The following PYGM variants were observed in gnomAD, a reference collection of about 807,000 sequenced individuals.
PYGM encodes the protein glycogen phosphorylase, muscle form.
Under a neutral mutation model 99.3 loss-of-function variants are expected in PYGM, and 81 were observed. The observed-to-expected ratio is 0.82, with a 90% CI of 0.68 to 0.98. PYGM has a LOEUF of 0.98. Among genes scored for constraint, PYGM ranks in the 50% least tolerant of loss-of-function variants. The pLI, the probability that PYGM is intolerant of heterozygous loss-of-function variation, is 0.00. For synonymous variants in PYGM, 436 were observed against 451.5 expected, an observed-to-expected ratio of 0.97 and a Z score of 0.44; for missense variants, 1,030 against 1,158.1, an observed-to-expected ratio of 0.89 and a Z score of 1.61.
Position 64,758,321 on chromosome 11 carries a change from C to T in PYGM, c.453G>A (p.Leu151=). Residue 151 remains leucine (L), a synonymous_variant, in exon 4 of 20, where the codon CTG becomes CTA. Transcript: ENST00000164139. Reference sequence around the variant, plus strand: ...TCCCGTAGCCATAGGCGGCCAGGCCCAGTGTTGCCATGGAGTCAAGAAAGC... The same window carrying T: ...TCCCGTAGCCATAGGCGGCCAGGCCTAGTGTTGCCATGGAGTCAAGAAAGC... ...AACFLDSMAT[L]GLAAYGYGIR... 4 of 1,614,080 alleles carry T rather than the reference C, an allele frequency of 2.5e-6. No homozygotes were observed. The highest frequency in any genetic ancestry group is 3.4e-6 in the Non-Finnish European group (4 of 1,180,012).
Position 64,751,983 on chromosome 11 carries a change from C to T in PYGM, c.1709G>A (p.Arg570Gln), listed in dbSNP as rs143550601. ...PNSLFDIQVK[R>Q]IHEYKRQLLN... ...GAGCTGTCGTTTATATTCGTGAATC[C>T]GCTTCACCTGGATGTCGAAGAGTGA... Residue 570 changes from arginine to glutamine, a missense_variant, in exon 14 of 20, where the codon CGG becomes CAG. Physicochemically the swap from Arg to Gln is conservative, Grantham distance 43. Coordinates refer to ENST00000164139, the MANE Select transcript of PYGM (RefSeq NM_005609.4). 5.6e-6 allele frequency: 9 copies of T among 1,614,010 alleles called. No homozygotes were observed. Among genetic ancestry groups the T allele is most frequent in the East Asian group, 2.2e-5 (1 of 44,902 alleles).
intron 5 of PYGM, among the ~76,000 whole-genome samples, chr11:64,756,490 AC>A (rs1161872519): frequency 6.6e-6 from 1 of 152,156 alleles, no homozygotes; most frequent in African/African-American, 2.4e-5. Context: ...TCACTCTGTT[AC>A]CCAGGCTGGA....
intron 17 of PYGM, among the ~76,000 whole-genome samples, chr11:64,749,320 C>G (rs1456225935): frequency 6.6e-6 from 1 of 151,712 alleles, no homozygotes; most frequent in Admixed American, 6.6e-5. Context: ...GCACTGCGGC[C>G]TGGGTGACAG....
At chr11:64,757,663 C>T in intron 5 of PYGM, 116 bp downstream of exon 5, 1 of 1,468,644 alleles carries the variant, frequency 6.8e-7, no homozygotes. Context: ...GTCACTTAAC[C>T]TCTCTGAGCC....
In PYGM at chr11:64,750,531, G is replaced by A; in HGVS notation, c.2022C>T (p.Ala674=). The change falls in exon 17 of 20, where the codon GCC becomes GCT. Residue 674 remains alanine (A), a synonymous_variant. Coordinates refer to ENST00000164139, the MANE Select transcript of PYGM (RefSeq NM_005609.4). ...SEQISTAGTE[A]SGTGNMKFML... is the part of the protein sequence containing the mutation. ...TGAACTTCATGTTGCCGGTGCCTGAGGCTTCAGTGCCCGCAGTGGAGATCT... is the reference window on the plus strand; with the variant it reads ...TGAACTTCATGTTGCCGGTGCCTGAAGCTTCAGTGCCCGCAGTGGAGATCT... The A allele has an allele frequency of 1.2e-6, 2 of 1,614,218 alleles. No individual in the cohort carries two copies. The highest frequency in any genetic ancestry group is 1.7e-6 in the Non-Finnish European group (2 of 1,180,044).
At chr11:64,760,076 T>A, upstream of PYGM, 1 of 1,016,868 alleles carries the variant, frequency 9.8e-7, no homozygotes, top group Non-Finnish European at 1.4e-6. Context: ...AGGGAGCTAT[T>A]TTGAGGGCAA....
rs1038090665 is a variant in PYGM at position 64,758,718 on chromosome 11, C to T, written c.244-14G>A. 5.7e-6 allele frequency: 9 copies of T among 1,580,750 alleles called. No individual in the cohort carries two copies. Among genetic ancestry groups the T allele is most frequent in the Admixed American group, 3.3e-5 (2 of 59,934 alleles). On this transcript the variant is annotated splice_polypyrimidine_tract_variant and intron_variant, in intron 1 of 19. Transcript: ENST00000164139. ...GTAGTAGATCCTCTGCCCAGAGAGA[C>T]GGATGGGCAGGGAATGGGGTCAGGG... is the stretch of plus-strand genomic sequence containing the variant.
In PYGM at chr11:64,746,596, G is replaced by A; in HGVS notation, c.*63C>T. ...CAGTACCCCACCCTCTGCATGAGGTGCTGGGGCTGGCCCAAGAGAGTGTGA... is the reference window on the plus strand; with the variant it reads ...CAGTACCCCACCCTCTGCATGAGGTACTGGGGCTGGCCCAAGAGAGTGTGA... On this transcript the variant is annotated 3_prime_UTR_variant, in exon 20 of 20. Transcript: ENST00000164139. The A allele has an allele frequency of 6.2e-7, 1 of 1,604,770 alleles. No homozygotes were observed. The highest frequency in any genetic ancestry group is 8.5e-7 in the Non-Finnish European group (1 of 1,174,022).
intron 13 of PYGM, 94 bp from the exon 14 acceptor site, chr11:64,752,165 C>G: frequency 6.4e-7 from 1 of 1,562,082 alleles, no homozygotes; most frequent in Non-Finnish European, 8.8e-7. Context: ...GGATGGCTAC[C>G]AGGAGGCTCA....
At chr11:64,747,171 C>A (rs1415897260) in intron 18 of PYGM, 53 bp downstream of exon 18, 2 of 1,607,208 alleles carry the variant, frequency 1.2e-6, no homozygotes, top group African/African-American at 2.7e-5. Context: ...CACACCTGAG[C>A]CTCGATCTGC....
At chr11:64,752,254 T>C in intron 13 of PYGM, 149 bp downstream of exon 13, 1 of 1,266,444 alleles carries the variant, frequency 7.9e-7, no homozygotes, top group Non-Finnish European at 1.1e-6. Flanking sequence ...GGTCAGATGA[T>C]GCCTTCCCAC....
rs2058372564 is a variant in PYGM at position 64,753,635 on chromosome 11, C to T, written c.1287G>A (p.Met429Ile). The change falls in exon 11 of 20, where the codon ATG becomes ATA. Residue 429 changes from methionine (M) to isoleucine (I), a missense_variant. Transcript: ENST00000164139. ...FPGDVDRLRRMSLVEEGAVKR... is the reference protein window; with the variant it reads ...FPGDVDRLRRISLVEEGAVKR... ...TCACTGCGCCCTCCTCCACCAGCGA[C>T]ATGCGCCGCAGCCGGTCTACGTCCC... is the stretch of plus-strand genomic sequence containing the variant. 1 of 1,609,008 alleles carries T rather than the reference C, an allele frequency of 6.2e-7. No individual in the cohort carries two copies. The highest frequency in any genetic ancestry group is 8.5e-7 in the Non-Finnish European group (1 of 1,179,416).
rs1364526306 is a variant in PYGM, at chr11:64,754,618, AG to A, written c.999+74del. 9.6e-6 allele frequency: 15 copies of A among 1,563,482 alleles called. No homozygotes were observed. The African/African-American group carries it at 2.0e-4, about 21-fold the overall frequency. On this transcript the variant is annotated intron_variant, in intron 8 of 19. Coordinates refer to ENST00000164139, the MANE Select transcript of PYGM (RefSeq NM_005609.4). This position sits in a 1 kb window ranked among gnomAD's most constrained non-coding sequence, Gnocchi z 5.5. Reference sequence around the variant, plus strand: ...CACTCCCTTATCTATTACATGGGGCAGGCAGGCCGAGGCTGGAGGGAGAGGC... The same window carrying A: ...CACTCCCTTATCTATTACATGGGGCAGCAGGCCGAGGCTGGAGGGAGAGGC...
chr11:64,750,466 G>GC lies in PYGM; in HGVS notation c.2086dup (p.Ala696GlyfsTer26). 6.2e-7 allele frequency: 1 copy of GC among 1,614,130 alleles called. No homozygotes were observed. The highest frequency in any genetic ancestry group is 8.5e-7 in the Non-Finnish European group (1 of 1,180,038). On this transcript the variant is annotated frameshift_variant, in exon 17 of 20. Coordinates refer to ENST00000164139, the MANE Select transcript of PYGM (RefSeq NM_005609.4). LOFTEE classifies it high-confidence loss of function. ...CGCCTCTTCTGCCATCTCCACATTG[G>GC]CCCCGTCCATGGTGCCAATGGTCAG...
chr11:64,749,874 G>C (rs2058341913), intron 17 of PYGM, among the ~76,000 whole-genome samples: 1 of 147,680 alleles, frequency 6.8e-6, no homozygotes, highest in South Asian at 2.2e-4. Flanking sequence ...CTCACTGCAA[G>C]CTCCGCCTCC....
Position 64,755,596 on chromosome 11 carries a change from G to A in PYGM, c.661-38C>T, listed in dbSNP as rs764520737. 2 of 1,521,970 alleles carry A rather than the reference G, an allele frequency of 1.3e-6. No individual in the cohort carries two copies. Among genetic ancestry groups the A allele is most frequent in the Admixed American group, 1.7e-5 (1 of 59,134 alleles). The allele number at this position is 1,521,970 out of a possible 1,614,324, so 94.3% of individuals were successfully genotyped here. ...ATCCTGTCAGGAGCTGGCCAGCCCTGGCAATTGCCTCCCTCCCCTCAGGGC... is the reference window on the plus strand; with the variant it reads ...ATCCTGTCAGGAGCTGGCCAGCCCTAGCAATTGCCTCCCTCCCCTCAGGGC... On this transcript the variant is annotated intron_variant, in intron 5 of 19. Coordinates refer to ENST00000164139, the MANE Select transcript of PYGM (RefSeq NM_005609.4). This position sits in a 1 kb window ranked among gnomAD's most constrained non-coding sequence, Gnocchi z 4.1.
At position 64,754,193 on chromosome 11, in the gene PYGM, C is replaced by G. The variant is rs1244798442; in HGVS notation, c.1092+60G>C. On this transcript the variant is annotated intron_variant, in intron 9 of 19. Transcript: ENST00000164139. The surrounding 1 kb of genome is among the most constrained non-coding windows in gnomAD (Gnocchi z 5.5). Reference sequence around the variant, plus strand: ...ATTCATATCCTCCCACGCTCCCAAACTGGGAAGGGAACCCCGAGGCAGAGA... The same window carrying G: ...ATTCATATCCTCCCACGCTCCCAAAGTGGGAAGGGAACCCCGAGGCAGAGA... The G allele has an allele frequency of 1.3e-6, 2 of 1,585,590 alleles. No homozygotes were observed. Among genetic ancestry groups the G allele is most frequent in the Non-Finnish European group, 1.7e-6 (2 of 1,154,846 alleles).
At chr11:64,756,800 T>C (rs1453694541) in intron 5 of PYGM, among the ~76,000 whole-genome samples, 1 of 152,102 alleles carries the variant, frequency 6.6e-6, no homozygotes, top group Non-Finnish European at 1.5e-5. Context: ...TTTCAGTTTT[T>C]GGTCTTTTTG....
At chr11:64,759,240 G>A (rs1002252713) in intron 1 of PYGM, among the ~76,000 whole-genome samples, 1 of 151,604 alleles carries the variant, frequency 6.6e-6, no homozygotes, top group East Asian at 1.9e-4. Context: ...CCACCGAGGC[G>A]TGTCAGGTTG....
Sources: gnomAD v4.1 joint callset for allele counts (sites outside exome capture counted in the v4.1 genomes callset) on GRCh38, gnomAD v4.1.1 for gene constraint, Gnocchi (gnomAD v3.1) non-coding constraint, MANE v1.5 for transcripts, NCBI Gene and HGNC (gene_info 2026-07-23, HGNC 2026-07-21) for gene names.